GRIK1: variants seen among roughly 807,000 people sequenced by gnomAD.
The protein encoded by GRIK1 is glutamate receptor ionotropic, kainate 1.
GRIK1 carries 69 observed loss-of-function variants against 105.7 expected under a neutral mutation model. The observed-to-expected ratio is 0.65, with a 90% CI of 0.54 to 0.80. The LOEUF (loss-of-function observed/expected upper bound fraction) is 0.80. GRIK1 is among the 30% of genes least tolerant of loss of function. The probability of loss-of-function intolerance (pLI) is 0.00; values close to 1 mark genes in which losing one functional copy is unlikely to be tolerated. For synonymous variants in GRIK1, 438 were observed against 431.3 expected (o/e 1.02, Z -0.19); for missense variants, 1,109 against 1,167.3 (o/e 0.95, Z 0.73).
At chr21:29,920,691 T>A (rs543518492) in intron 1 of GRIK1, among the ~76,000 whole-genome samples, 9 of 152,250 alleles carry the variant, frequency 5.9e-5, no homozygotes, top group African/African-American at 2.2e-4. Context: ...GTGGCCTGCC[T>A]ATAGCAGATA....
intron 14 of GRIK1, among the ~76,000 whole-genome samples, chr21:29,570,769 C>T (rs574839772): frequency 2.0e-5 from 3 of 151,222 alleles, no homozygotes; most frequent in Non-Finnish European, 4.4e-5. Context: ...CTGTAAGTTC[C>T]AGAGTGTTGA....
chr21:29,807,830 G>A (rs983041285), intron 1 of GRIK1, among the ~76,000 whole-genome samples: 1 of 152,052 alleles, frequency 6.6e-6, no homozygotes, highest in Non-Finnish European at 1.5e-5. Context: ...AGTACAAGCA[G>A]CGGGTGTCAA....
chr21:29,718,597 C>A (rs979649558), intron 1 of GRIK1, among the ~76,000 whole-genome samples: 1 of 152,176 alleles, frequency 6.6e-6, no homozygotes, highest in African/African-American at 2.4e-5. Context: ...AAAGAGATGT[C>A]ATAGGCCTTG....
In GRIK1 at chr21:29,561,667, C is replaced by G; in HGVS notation, c.2313G>C (p.Gly771=). 1.2e-6 allele frequency: 2 copies of G among 1,614,018 alleles called. No homozygotes were observed. Among genetic ancestry groups the G allele is most frequent in the Non-Finnish European group, 1.7e-6 (2 of 1,179,942 alleles). The change falls in exon 15 of 18, where the codon GGG becomes GGC. Residue 771 remains glycine (G), a synonymous_variant. Transcript: ENST00000327783. The part of the protein sequence containing the change: ...TQRNCNLTQI[G]GLIDSKGYGV... ...CGTAACCTTTGGAGTCAATGAGGCC[C>G]CCGATCTGAGTGAGGTTGCAGTTTC...
intron 14 of GRIK1, among the ~76,000 whole-genome samples, chr21:29,569,058 G>A (rs987383866): frequency 2.0e-5 from 3 of 152,198 alleles, no homozygotes; most frequent in Admixed American, 6.5e-5. Flanking sequence ...TTGCTGTCTG[G>A]CCAGGCCTCC....
Position 29,694,177 on chromosome 21 carries a change from TG to T in GRIK1, c.119-115del, listed in dbSNP as rs796979792. ...TCTCGCTCTGTCACCCAGACTGGAG[TG>T]CAATGGCACGATCTCAGCTCACTGC... On this transcript the variant is annotated intron_variant, in intron 1 of 17. Coordinates refer to ENST00000327783, the MANE Select transcript of GRIK1 (RefSeq NM_001330994.2). The T allele has an allele frequency of 1.5e-5, 10 of 677,672 alleles. No individual in the cohort carries two copies. In the African/African-American group the frequency reaches 1.6e-4, roughly 11 times the overall value. The allele number at this position is 677,672 out of a possible 1,614,324, so 42.0% of individuals were successfully genotyped here. A position where few individuals can be genotyped will look rare whatever the true frequency, so the allele number is the denominator to read the frequency against.
At chr21:29,710,814 T>G (rs2146812979) in intron 1 of GRIK1, among the ~76,000 whole-genome samples, 1 of 114,212 alleles carries the variant, frequency 8.8e-6, no homozygotes, top group East Asian at 3.1e-4. Context: ...CTTCCTTCCT[T>G]CCTTCCTTCC....
intron 1 of GRIK1, among the ~76,000 whole-genome samples, chr21:29,925,361 C>A (rs184993254): frequency 6.6e-6 from 1 of 152,114 alleles, no homozygotes; most frequent in South Asian, 2.1e-4. Flanking sequence ...TTCAGGGAAA[C>A]GCACCTGCCT....
At chr21:29,765,008 C>T (rs775705332) in intron 1 of GRIK1, among the ~76,000 whole-genome samples, 10 of 152,166 alleles carry the variant, frequency 6.6e-5, no homozygotes, top group Admixed American at 2.6e-4. Context: ...AAATATAAAT[C>T]GAATAGGTTG....
intron 1 of GRIK1, among the ~76,000 whole-genome samples, chr21:29,777,740 G>T (rs548876772): frequency 6.6e-6 from 1 of 152,268 alleles, no homozygotes; most frequent in Non-Finnish European, 1.5e-5. Flanking sequence ...TCCTCATTTT[G>T]GAACGTTAAT....
chr21:29,573,354 T>C (rs2090801778), intron 14 of GRIK1, among the ~76,000 whole-genome samples: 1 of 152,086 alleles, frequency 6.6e-6, no homozygotes. Context: ...TATCCAAACA[T>C]GTCGTAATGT....
intron 1 of GRIK1, chr21:29,760,143 T>C (rs1268768651): frequency 6.6e-6 from 1 of 152,360 alleles, no homozygotes; most frequent in South Asian, 2.1e-4. Flanking sequence ...CTCCAAAGCC[T>C]TACCTGTTTC....
intron 1 of GRIK1, among the ~76,000 whole-genome samples, chr21:29,847,628 C>A (rs2068163330): frequency 2.0e-5 from 3 of 152,022 alleles, no homozygotes. Context: ...ACTATTTTTT[C>A]TCTGCATAAT....
chr21:29,776,321 C>T (rs900272222), intron 1 of GRIK1, among the ~76,000 whole-genome samples: 5 of 152,128 alleles, frequency 3.3e-5, no homozygotes, highest in African/African-American at 1.2e-4. Context: ...TAGCTGAAAC[C>T]TTAACATACT....
intron 1 of GRIK1, among the ~76,000 whole-genome samples, chr21:29,791,641 T>A (rs900686584): frequency 1.3e-5 from 2 of 151,964 alleles, no homozygotes; most frequent in African/African-American, 4.8e-5. Flanking sequence ...AGAAGGAAAA[T>A]TTATTCTTAA....
At chr21:29,924,036 C>T (rs365754) in intron 1 of GRIK1, among the ~76,000 whole-genome samples, 38,568 of 151,892 alleles carry the variant, frequency 0.25, 6,158 homozygotes, top group African/African-American at 0.46. Flanking sequence ...GAGATATATA[C>T]TCATATATGA....
At chr21:29,883,300 T>A (rs926785349) in intron 1 of GRIK1, among the ~76,000 whole-genome samples, 2 of 152,122 alleles carry the variant, frequency 1.3e-5, no homozygotes, top group Non-Finnish European at 2.9e-5. Flanking sequence ...TTAGAACTGA[T>A]AATAAGTGCA....
At chr21:29,728,071 A>G (rs1387781695) in intron 1 of GRIK1, among the ~76,000 whole-genome samples, 1 of 152,106 alleles carries the variant, frequency 6.6e-6, no homozygotes, top group Non-Finnish European at 1.5e-5. Flanking sequence ...TTACTCATCT[A>G]CTGATTCAAA....
At chr21:29,844,337 C>A (rs908038422) in intron 1 of GRIK1, among the ~76,000 whole-genome samples, 2 of 152,150 alleles carry the variant, frequency 1.3e-5, no homozygotes, top group East Asian at 1.9e-4. Context: ...AGCACTAACA[C>A]CTGAGGGTCA....
Sources: gnomAD v4.1 joint callset for allele counts (sites outside exome capture counted in the v4.1 genomes callset) on GRCh38, gnomAD v4.1.1 for gene constraint, MANE v1.5 for transcripts, NCBI Gene and HGNC (gene_info 2026-07-23, HGNC 2026-07-21) for gene names.